Variants in PIGU observed in about 807,000 individuals in gnomAD.
PIGU encodes phosphatidylinositol glycan anchor biosynthesis class U.
In PIGU, 24 loss-of-function variants were observed where a neutral mutation model predicts 49.9. The observed-to-expected ratio is 0.48, with a 90% CI of 0.35 to 0.68. PIGU has a LOEUF of 0.68. Among genes scored for constraint, PIGU ranks in the 30% least tolerant of loss-of-function variants. PIGU has a pLI of 0.01. For missense variants in PIGU, 490 were observed against 532.6 expected (o/e 0.92, Z 0.79); for synonymous variants, 220 against 205.7 (o/e 1.07, Z -0.59).
intron 1 of PIGU, among the ~76,000 whole-genome samples, chr20:34,674,006 T>C (rs1185547298): frequency 2.6e-5 from 4 of 151,718 alleles, no homozygotes; most frequent in Non-Finnish European, 5.9e-5. Context: ...TGAGCCAAGA[T>C]CATGCCACTA....
At chr20:34,665,345 A>G (rs1184039260) in intron 1 of PIGU, among the ~76,000 whole-genome samples, 1 of 150,588 alleles carries the variant, frequency 6.6e-6, no homozygotes, top group Non-Finnish European at 1.5e-5. Context: ...CTGGGACTAC[A>G]GGCGCCCGCT....
chr20:34,561,025 TA>T, intron 11 of PIGU, 46 bp from the exon 12 acceptor site: 1 of 1,363,176 alleles, frequency 7.3e-7, no homozygotes, highest in Non-Finnish European at 1.0e-6. Context: ...TACCTCCCCC[TA>T]AACCCAGGAT....
chr20:34,638,933 T>A (rs1986058221), intron 4 of PIGU, among the ~76,000 whole-genome samples: 1 of 152,176 alleles, frequency 6.6e-6, no homozygotes, highest in African/African-American at 2.4e-5. Flanking sequence ...AAGAATCTCA[T>A]TTAGACAATA....
At chr20:34,612,449 C>G (rs147626374) in intron 7 of PIGU, among the ~76,000 whole-genome samples, 1 of 152,032 alleles carries the variant, frequency 6.6e-6, no homozygotes, top group East Asian at 1.9e-4. Context: ...TGCAGCACAC[C>G]ATGGCACATT....
At chr20:34,593,775 GA>G (rs1984088583) in intron 7 of PIGU, among the ~76,000 whole-genome samples, 1 of 152,230 alleles carries the variant, frequency 6.6e-6, no homozygotes, top group Non-Finnish European at 1.5e-5. Flanking sequence ...CACTGTACTA[GA>G]AAAAAACATG....
intron 7 of PIGU, among the ~76,000 whole-genome samples, chr20:34,613,426 G>C (rs1984893870): frequency 6.6e-6 from 1 of 152,186 alleles, no homozygotes; most frequent in Admixed American, 6.5e-5. Context: ...GTGTCAGGAG[G>C]AAATTTCCTT....
At chr20:34,676,038 A>AC (rs2146804458) in intron 1 of PIGU, among the ~76,000 whole-genome samples, 1 of 151,606 alleles carries the variant, frequency 6.6e-6, no homozygotes, top group East Asian at 1.9e-4. Context: ...AAAAAAAAAA[A>AC]AAAAGTTGTT....
chr20:34,598,593 A>G lies in PIGU; in HGVS notation c.628-9986T>C, dbSNP rs140941361. On this transcript the variant is annotated intron_variant, in intron 7 of 11. Coordinates refer to ENST00000217446, the MANE Select transcript of PIGU (RefSeq NM_080476.5). ...GAGCCAGGCCCAAAGCAGTTCACACAAACTATTCTAGAAGCTCCATGCTGT... is the reference window on the plus strand; with the variant it reads ...GAGCCAGGCCCAAAGCAGTTCACACGAACTATTCTAGAAGCTCCATGCTGT... Among the ~76,000 whole-genome samples the G allele has an allele frequency of 4.7e-3, 722 of 152,364 alleles. 3 individuals are homozygous for G. Among genetic ancestry groups the G allele is most frequent in the African/African-American group, 0.017 (699 of 41,586 alleles).
chr20:34,605,212 C>T (rs539911521), intron 7 of PIGU, among the ~76,000 whole-genome samples: 1 of 152,222 alleles, frequency 6.6e-6, no homozygotes, highest in African/African-American at 2.4e-5. Flanking sequence ...GTTGAGTTGC[C>T]GGATGGAACC....
chr20:34,575,275 T>C (rs1983179035), intron 10 of PIGU, 29 bp from the exon 11 acceptor site: 3 of 1,606,342 alleles, frequency 1.9e-6, no homozygotes, highest in African/African-American at 2.7e-5. Context: ...ACAGTTAGCC[T>C]GACACGCTCT....
chr20:34,648,944 T>C (rs1177306601), intron 2 of PIGU, among the ~76,000 whole-genome samples: 5 of 152,162 alleles, frequency 3.3e-5, no homozygotes, highest in African/African-American at 1.2e-4. Flanking sequence ...CTCAGCTCAC[T>C]GCAACCTCCG....
intron 2 of PIGU, among the ~76,000 whole-genome samples, chr20:34,648,867 T>C (rs1336174658): frequency 6.6e-6 from 1 of 151,354 alleles, no homozygotes; most frequent in Non-Finnish European, 1.5e-5. Context: ...GACTGATTGA[T>C]TGACTGATTG....
chr20:34,605,394 T>C (rs563115885), intron 7 of PIGU, among the ~76,000 whole-genome samples: 19 of 152,362 alleles, frequency 1.2e-4, no homozygotes, highest in Non-Finnish European at 2.4e-4. Context: ...GGCATGTTTA[T>C]AGTGTCAAAG....
At chr20:34,659,281 A>T (rs8124677) in intron 1 of PIGU, among the ~76,000 whole-genome samples, 106 of 37,446 alleles carry the variant, frequency 2.8e-3, no homozygotes, top group East Asian at 4.8e-3. Context: ...CCGGCCAGCC[A>T]CCCCGTCCGG....
intron 1 of PIGU, 134 bp downstream of exon 1, chr20:34,676,822 T>A: frequency 4.7e-6 from 3 of 641,678 alleles, no homozygotes; most frequent in Non-Finnish European, 6.5e-6. Context: ...CCCCGCCCTC[T>A]CCAAGAACCC....
At chr20:34,582,863 T>C (rs1281063549) in intron 9 of PIGU, among the ~76,000 whole-genome samples, 2 of 151,672 alleles carry the variant, frequency 1.3e-5, no homozygotes, top group African/African-American at 4.8e-5. Context: ...CAGGAGAGAG[T>C]TGGGGGACAG....
rs911851078 is a variant in PIGU at position 34,656,713 on chromosome 20, C to A, written c.195+467G>T. 9.3e-5 allele frequency among the ~76,000 whole-genome samples: 14 copies of A among 150,074 alleles called. 1 individual carries two copies. The highest frequency in any genetic ancestry group is 3.4e-4 in the Admixed American group (5 of 14,900). ...CCCAGGAGGTCAAGGCTGCAGTGAACCGTGATTGTGTCACTGCACTCTAGC... is the reference window on the plus strand; with the variant it reads ...CCCAGGAGGTCAAGGCTGCAGTGAAACGTGATTGTGTCACTGCACTCTAGC... On this transcript the variant is annotated intron_variant, in intron 2 of 11. Transcript: ENST00000217446.
At position 34,644,212 on chromosome 20, in the gene PIGU, G is replaced by A. The variant is rs1986258476; in HGVS notation, c.270C>T (p.Leu90=). 3 of 1,607,738 alleles carry A rather than the reference G, an allele frequency of 1.9e-6. No homozygotes were observed. The African/African-American group carries it at 4.0e-5, about 21-fold the overall frequency. ...TTGCAAAATACAGGGCAATAGCAGT[G>A]AGTGCATCAGTTATCTGTCAAAAGA... ...AELVFMITDA[L]TAIALYFAIQ... is the part of the protein sequence containing the mutation. The change falls in exon 4 of 12, where the codon CTC becomes CTT. Residue 90 remains leucine, a synonymous_variant. Coordinates refer to ENST00000217446, the MANE Select transcript of PIGU (RefSeq NM_080476.5).
intron 4 of PIGU, among the ~76,000 whole-genome samples, chr20:34,640,191 C>T (rs914660632): frequency 4.6e-5 from 7 of 152,218 alleles, no homozygotes; most frequent in African/African-American, 1.7e-4. Context: ...AAAGGTGACA[C>T]TGTGCCAGCA....
Sources: gnomAD v4.1 joint callset for allele counts (sites outside exome capture counted in the v4.1 genomes callset) on GRCh38, gnomAD v4.1.1 for gene constraint, MANE v1.5 for transcripts, NCBI Gene and HGNC (gene_info 2026-07-23, HGNC 2026-07-21) for gene names.